TUT4: variants seen among roughly 807,000 people sequenced by gnomAD.
TUT4 encodes terminal uridylyltransferase 4.
A neutral mutation model predicts 192.2 loss-of-function variants in TUT4; 36 were observed. The ratio of observed to expected loss-of-function variants is 0.19; its 90% CI spans 0.14 to 0.25. The LOEUF is 0.25. TUT4 is among the 10% of genes least tolerant of loss of function. The probability of loss-of-function intolerance (pLI) is 1.00; values close to 1 mark genes in which losing one functional copy is unlikely to be tolerated. For missense variants in TUT4, 1,493 were observed against 1,957.2 expected (o/e 0.76, Z 4.47); for synonymous variants, 618 against 666.0 (o/e 0.93, Z 1.11).
chr1:52,531,827 C>CTTAAACCTA (rs1388848481), intron 1 of TUT4, among the ~76,000 whole-genome samples: 1 of 147,720 alleles, frequency 6.8e-6, no homozygotes, highest in Non-Finnish European at 1.5e-5. Flanking sequence ...GCACTTAGCA[C>CTTAAACCTA]TTAAACCTAT....
At chr1:52,440,716 T>C (rs957343330) in intron 24 of TUT4, among the ~76,000 whole-genome samples, 5 of 152,286 alleles carry the variant, frequency 3.3e-5, no homozygotes, top group Admixed American at 3.3e-4. Flanking sequence ...GGCCTACACC[T>C]GAGGCCAACA....
At chr1:52,481,958 A>C in intron 9 of TUT4, 35 bp from the exon 10 acceptor site, 1 of 1,432,122 alleles carries the variant, frequency 7.0e-7, no homozygotes, top group African/African-American at 1.5e-5. Flanking sequence ...ACTACCATTT[A>C]GCTTTCTTAA....
At chr1:52,448,588 C>CAAAAAAAAAAAA in intron 20 of TUT4, among the ~76,000 whole-genome samples, 1 of 40,812 alleles carries the variant, frequency 2.5e-5, no homozygotes, top group Non-Finnish European at 4.8e-5. Flanking sequence ...GATTCTGTCT[C>CAAAAAAAAAAAA]AAAAAAAAAA....
chr1:52,517,129 C>T (rs1000027586), intron 2 of TUT4, among the ~76,000 whole-genome samples: 1 of 152,192 alleles, frequency 6.6e-6, no homozygotes, highest in African/African-American at 2.4e-5. Flanking sequence ...AGCTTAAGCA[C>T]CACTTGTTTC....
Position 52,431,007 on chromosome 1 carries a change from G to C in TUT4, c.4711+6C>G. ...GCAGATAAAAAAGAAGAAAAGGAAA[G>C]GTTACCTGAATTCCCCACTGCACCA... is the stretch of plus-strand genomic sequence containing the variant. On this transcript the variant is annotated splice_donor_region_variant and intron_variant, in intron 28 of 29. Transcript: ENST00000257177. 6.4e-7 allele frequency: 1 copy of C among 1,554,124 alleles called. No homozygotes were observed. Among genetic ancestry groups the C allele is most frequent in the South Asian group, 1.2e-5 (1 of 83,630 alleles).
chr1:52,484,945 ATCATT>A (rs1288526055), intron 9 of TUT4, among the ~76,000 whole-genome samples: 1 of 152,142 alleles, frequency 6.6e-6, no homozygotes, highest in Non-Finnish European at 1.5e-5. Flanking sequence ...CATTCATTCT[ATCATT>A]TCATTTTTGT....
chr1:52,430,873 C>A, intron 28 of TUT4, 140 bp downstream of exon 28: 1 of 913,078 alleles, frequency 1.1e-6, no homozygotes, highest in East Asian at 2.7e-5. Flanking sequence ...AGTCCAGAGC[C>A]CATATTCTTA....
chr1:52,459,347 G>A (rs115191465), intron 19 of TUT4, among the ~76,000 whole-genome samples: 1,574 of 150,848 alleles, frequency 0.01, 25 homozygotes, highest in African/African-American at 0.036. Flanking sequence ...TCAGCACTTC[G>A]AAAGGCTGAG....
rs1671374720 is a variant in TUT4, at chr1:52,492,348, A to ACC, written c.1318+1262_1318+1263insGG. Among the ~76,000 whole-genome samples the ACC allele has an allele frequency of 3.3e-5, 5 of 152,194 alleles. No individual in the cohort carries two copies. In the South Asian group the frequency reaches 6.2e-4, roughly 19 times the overall value. On this transcript the variant is annotated intron_variant, in intron 7 of 29. Coordinates refer to ENST00000257177, the MANE Select transcript of TUT4 (RefSeq NM_001009881.3). Reference sequence around the variant, plus strand: ...AGCCAATGAGAGAGTATGGCTTTAAAAAAAAGCTCTCTCTTCTAACCCAAA... The same window carrying ACC: ...AGCCAATGAGAGAGTATGGCTTTAAACCAAAAAGCTCTCTCTTCTAACCCAAA...
Position 52,475,145 on chromosome 1 carries a change from C to T in TUT4, c.2414G>A (p.Ser805Asn), listed in dbSNP as rs779005622. 2 of 1,614,112 alleles carry T rather than the reference C, an allele frequency of 1.2e-6. No homozygotes were observed. The highest frequency in any genetic ancestry group is 2.2e-5 in the East Asian group (1 of 44,884). ...ATCTAATTTTGGCTCTATTTCACTG[C>T]TTTTGCTGGTAGAAAGAGATGAAGA... The part of the protein sequence containing the change: ...QDSSSLSTSK[S>N]SEIEPKLDKK... Residue 805 changes from serine (S) to asparagine (N), a missense_variant, in exon 13 of 30, where the codon AGC (serine) becomes AAC (asparagine). Physicochemically the swap from Ser to Asn is conservative, Grantham distance 46. Transcript: ENST00000257177.
At chr1:52,488,043 T>A (rs1343785006) in intron 9 of TUT4, among the ~76,000 whole-genome samples, 2 of 152,000 alleles carry the variant, frequency 1.3e-5, no homozygotes, top group East Asian at 3.8e-4. Flanking sequence ...AAACAGCAAA[T>A]ACAAAGGCCT....
At chr1:52,424,345 A>C (rs1183961537) in intron 29 of TUT4, 2 of 284,896 alleles carry the variant, frequency 7.0e-6, no homozygotes, top group Non-Finnish European at 1.4e-5. Flanking sequence ...AACCACAGTC[A>C]AGGCTCTGCC....
chr1:52,525,914 T>C lies in TUT4; in HGVS notation c.367A>G (p.Ser123Gly). ...GATTTTTCTGCTTTTGCCTGTAAAC[T>C]GGTTGCCTTTTCTGATTTTGCCTGT... ...ISQAKSEKAT[S>G]LQAKAEKSPK... is the part of the protein sequence containing the mutation. The change falls in exon 2 of 30, where the codon AGT becomes GGT. Residue 123 changes from serine (S) to glycine (G), a missense_variant. Around this residue, in one of 7 missense-constraint regions of TUT4, gnomAD observed 260 missense variants for 247.8 expected, o/e 1.05. Coordinates refer to ENST00000257177, the MANE Select transcript of TUT4 (RefSeq NM_001009881.3). The C allele has an allele frequency of 6.2e-7, 1 of 1,614,136 alleles. No individual in the cohort carries two copies. The highest frequency in any genetic ancestry group is 8.5e-7 in the Non-Finnish European group (1 of 1,180,016).
In TUT4 at chr1:52,525,651, T is replaced by C. The variant is rs1471698742; in HGVS notation, c.630A>G (p.Pro210=). 6.2e-7 allele frequency: 1 copy of C among 1,614,178 alleles called. No homozygotes were observed. Among genetic ancestry groups the C allele is most frequent in the Non-Finnish European group, 8.5e-7 (1 of 1,180,018 alleles). The change falls in exon 2 of 30, where the codon CCA becomes CCG. Residue 210 remains proline, a synonymous_variant. Coordinates refer to ENST00000257177, the MANE Select transcript of TUT4 (RefSeq NM_001009881.3). The part of the protein sequence containing the change: ...GGEKCALQNS[P]RSQKQQTCTD... ...TACATGTCTGTTGCTTCTGAGATCGTGGTGAGTTTTGCAGAGCACATTTTT... is the reference window on the plus strand; with the variant it reads ...TACATGTCTGTTGCTTCTGAGATCGCGGTGAGTTTTGCAGAGCACATTTTT...
chr1:52,424,098 A>G (rs1033388799), intron 29 of TUT4, 96 bp from the exon 30 acceptor site: 25 of 1,254,632 alleles, frequency 2.0e-5, no homozygotes, highest in South Asian at 1.4e-4. Flanking sequence ...CTTTTTTTCT[A>G]TTTATATAAT....
intron 20 of TUT4, among the ~76,000 whole-genome samples, chr1:52,451,752 A>T (rs1659491173): frequency 6.6e-6 from 1 of 151,708 alleles, no homozygotes; most frequent in African/African-American, 2.4e-5. Context: ...CTGAGGAAGG[A>T]GAATTGCTTG....
chr1:52,474,339 C>T lies in TUT4; in HGVS notation c.2727+493G>A, dbSNP rs1666559114. 2.6e-5 allele frequency among the ~76,000 whole-genome samples: 4 copies of T among 152,166 alleles called. 1 individual carries two copies. The South Asian group carries it at 8.3e-4, about 31-fold the overall frequency. The stretch of plus-strand genomic sequence containing the variant: ...TAGCAGAAACAGAATCTGGATTCTT[C>T]ATTTTTTTGACTATTAATCTTAGTT... On this transcript the variant is annotated intron_variant, in intron 13 of 29. Transcript: ENST00000257177.
chr1:52,486,493 C>T (rs1669824115), intron 9 of TUT4, among the ~76,000 whole-genome samples: 1 of 151,916 alleles, frequency 6.6e-6, no homozygotes, highest in Admixed American at 6.6e-5. Flanking sequence ...TCCTGAACCC[C>T]CAAATCATGG....
chr1:52,545,614 A>G (rs1350522324), intron 1 of TUT4, among the ~76,000 whole-genome samples: 2 of 152,098 alleles, frequency 1.3e-5, no homozygotes, highest in African/African-American at 4.8e-5. Flanking sequence ...GGAAATGCAA[A>G]TCAAAACTCC....
Sources: allele counts gnomAD v4.1 joint callset (sites outside exome capture counted in the v4.1 genomes callset), GRCh38; gene constraint gnomAD v4.1.1; regional missense constraint gnomAD v4.1.1; transcripts MANE v1.5; gene names NCBI Gene and HGNC (gene_info 2026-07-23, HGNC 2026-07-21).